C4orf50: variants seen among roughly 807,000 people sequenced by gnomAD.
The protein encoded by C4orf50 is uncharacterized protein C4orf50.
C4orf50 carries 80 observed loss-of-function variants against 77.2 expected under a neutral mutation model. That is an observed-to-expected ratio of 1.04 (90% confidence interval 0.87 to 1.25). C4orf50 has a LOEUF of 1.25. Ranked by LOEUF, C4orf50 falls within the 50% of genes most tolerant of loss-of-function variation. C4orf50 has a pLI of 0.00. For synonymous variants in C4orf50, 532 were observed against 465.3 expected (o/e 1.14, Z -1.84); for missense variants, 1,257 against 1,152.9 (o/e 1.09, Z -1.31).
At chr4:6,003,493 G>A (rs1052375606) in intron 25 of C4orf50, among the ~76,000 whole-genome samples, 9 of 135,258 alleles carry the variant, frequency 6.7e-5, no homozygotes, top group African/African-American at 2.4e-4. Flanking sequence ...TGGTGATGGT[G>A]ATGTTGGTGA....
chr4:5,976,446 GCT>G (rs1339672906), intron 29 of C4orf50, among the ~76,000 whole-genome samples: 2 of 135,820 alleles, frequency 1.5e-5, no homozygotes, highest in African/African-American at 5.7e-5. Context: ...AGAGAGCGAG[GCT>G]CTGTCTCGGA....
chr4:5,931,016 T>C (rs28538437), intron 7 of C4orf50, among the ~76,000 whole-genome samples: 14,650 of 152,172 alleles, frequency 0.096, 1,619 homozygotes, highest in African/African-American at 0.27. Flanking sequence ...CAGGTCCAGC[T>C]GGCAAAGCTC....
chr4:5,946,418 C>T lies in C4orf50; in HGVS notation c.*2474+10483G>A, dbSNP rs181175817. On this transcript the variant is annotated intron_variant, in intron 7 of 7. Transcript: ENST00000324058. ...AGTTCCTCTTCAAAGTTTCCCTTCTCGTTAAAGAATAAATCGTAAGTGTTA... is the reference window on the plus strand; with the variant it reads ...AGTTCCTCTTCAAAGTTTCCCTTCTTGTTAAAGAATAAATCGTAAGTGTTA... 4.8e-5 allele frequency among the ~76,000 whole-genome samples: 7 copies of T among 146,568 alleles called. No individual in the cohort carries two copies. In the East Asian group the frequency reaches 1.2e-3, roughly 24 times the overall value.
At chr4:5,953,281 G>C (rs1718808164), downstream of C4orf50, among the ~76,000 whole-genome samples, 1 of 152,182 alleles carries the variant, frequency 6.6e-6, no homozygotes, top group Non-Finnish European at 1.5e-5. Flanking sequence ...GAAAAAGAAT[G>C]GCTGGGAGTC....
intron 25 of C4orf50, among the ~76,000 whole-genome samples, chr4:6,004,015 GATGGTGATAATGTGATA>G (rs1722020974): frequency 7.5e-6 from 1 of 132,586 alleles, no homozygotes; most frequent in Non-Finnish European, 1.6e-5. Context: ...GTGATGATGT[GATGGTGATAATGTGATA>G]GTGATGATGG....
intron 7 of C4orf50, among the ~76,000 whole-genome samples, chr4:5,951,978 T>C (rs139736811): frequency 2.8e-3 from 431 of 152,334 alleles, no homozygotes; most frequent in African/African-American, 9.1e-3. Context: ...GGGATGATAA[T>C]ATTTTCTCAT....
At chr4:5,902,421 G>C (rs985827469) in intron 7 of C4orf50, 8 of 152,198 alleles carry the variant, frequency 5.3e-5, no homozygotes, top group African/African-American at 1.4e-4. Context: ...TTTGAAATCA[G>C]GCCAATAGAC....
chr4:5,980,491 G>C (rs1450504516), intron 28 of C4orf50, among the ~76,000 whole-genome samples, 153 bp from the exon 7 acceptor site: 1 of 151,894 alleles, frequency 6.6e-6, no homozygotes, highest in Non-Finnish European at 1.5e-5. Context: ...AGTTTTAGAA[G>C]ATAAGGTAGC....
intron 25 of C4orf50, among the ~76,000 whole-genome samples, chr4:6,004,820 G>A (rs947067828): frequency 1.1e-4 from 16 of 150,820 alleles, no homozygotes; most frequent in African/African-American, 3.7e-4. Flanking sequence ...TGGTGATGAT[G>A]GTGATAGTGA....
chr4:5,952,535 C>T (rs1305146176), downstream of C4orf50, among the ~76,000 whole-genome samples: 1 of 152,192 alleles, frequency 6.6e-6, no homozygotes, highest in Non-Finnish European at 1.5e-5. This position sits in a 1 kb window ranked among gnomAD's most constrained non-coding sequence, Gnocchi z 4.4. Context: ...GACCACCGCT[C>T]CCCACCTGGC....
chr4:5,998,582 G>T (rs755539797), intron 25 of C4orf50, among the ~76,000 whole-genome samples: 29 of 152,324 alleles, frequency 1.9e-4, no homozygotes, highest in Admixed American at 7.8e-4. Context: ...CCCTGACGTG[G>T]GATCGTGATC....
rs148316240 is a variant in C4orf50, at chr4:5,925,820, C to T, written c.*2475-27632G>A. 3.4e-4 allele frequency among the ~76,000 whole-genome samples: 52 copies of T among 152,284 alleles called. 1 individual carries two copies. In the East Asian group the frequency reaches 8.7e-3, roughly 26 times the overall value. Reference sequence around the variant, plus strand: ...CAGGCCTGGGACCCACCCTTGGCAGCGGGGGATGAGCTGGAGTTCACCAGG... The same window carrying T: ...CAGGCCTGGGACCCACCCTTGGCAGTGGGGGATGAGCTGGAGTTCACCAGG... On this transcript the variant is annotated intron_variant, in intron 7 of 7. Coordinates refer to the C4orf50 transcript ENST00000324058.
chr4:5,981,903 C>A (rs769304987), intron 28 of C4orf50, among the ~76,000 whole-genome samples: 1 of 151,894 alleles, frequency 6.6e-6, no homozygotes, highest in Non-Finnish European at 1.5e-5. Context: ...AAACTCATCC[C>A]GACCTAGCAG....
At chr4:5,940,757 T>G (rs1207246333) in intron 7 of C4orf50, among the ~76,000 whole-genome samples, 3 of 152,170 alleles carry the variant, frequency 2.0e-5, no homozygotes, top group Admixed American at 6.5e-5. Flanking sequence ...AGTGACGCCG[T>G]GGGAGATTTG....
chr4:5,992,917 C>T lies in C4orf50; in HGVS notation c.1107G>A (p.Glu369=). Residue 369 remains glutamate (E), a synonymous_variant, in exon 27 of 34, where the codon GAG becomes GAA. Transcript: ENST00000531445. This position sits in a 1 kb window ranked among gnomAD's most constrained non-coding sequence, Gnocchi z 5.0. ...TGATGCGGCTCCAGGTGCAGGGCCC[C>T]TCTGGGGACTGGCCTGGAAAGCAAC... The T allele has an allele frequency of 2.5e-6, 1 of 399,082 alleles. No homozygotes were observed. The highest frequency in any genetic ancestry group is 4.4e-6 in the Non-Finnish European group (1 of 226,100). The allele number at this position is 399,082 out of a possible 1,614,324, so 24.7% of individuals were successfully genotyped here. A position where few individuals can be genotyped will look rare whatever the true frequency, so the allele number is the denominator to read the frequency against.
At chr4:5,973,826 G>A in exon 31 of C4orf50, 2 of 1,612,044 alleles carry the variant, frequency 1.2e-6, no homozygotes, top group Non-Finnish European at 1.7e-6. Context: ...TTCCGGACGA[G>A]GGAAGCTATC....
chr4:5,939,520 C>T (rs1427549700), intron 7 of C4orf50, among the ~76,000 whole-genome samples: 6 of 152,174 alleles, frequency 3.9e-5, no homozygotes, highest in Non-Finnish European at 7.3e-5. Context: ...ACGGCTGCTC[C>T]AGCAGAGCCT....
intron 29 of C4orf50, 29 bp from the exon 8 acceptor site, chr4:5,975,984 A>T (rs1331942520): frequency 6.3e-7 from 1 of 1,594,154 alleles, no homozygotes; most frequent in Non-Finnish European, 8.6e-7. Context: ...TTTTGACAAC[A>T]CTGCACTGTC....
rs1337026609 is a variant in C4orf50 at position 6,008,630 on chromosome 4, A to G, written c.427-98T>C. 5.1e-6 allele frequency: 2 copies of G among 393,282 alleles called. No individual in the cohort carries two copies. The highest frequency in any genetic ancestry group is 1.4e-4 in the South Asian group (1 of 7,396). The allele number at this position is 393,282 out of a possible 1,614,324, so 24.4% of individuals were successfully genotyped here. The stretch of plus-strand genomic sequence containing the variant: ...GACTTAACATTTCTGTATTTTGTGC[A>G]TGGTGCGTTTTTGCATTTTGTGCAT... On this transcript the variant is annotated intron_variant, in intron 24 of 33. Coordinates refer to ENST00000531445, the Ensembl canonical transcript of C4orf50. This position sits in a 1 kb window ranked among gnomAD's most constrained non-coding sequence, Gnocchi z 6.0.
Sources: allele counts gnomAD v4.1 joint callset (sites outside exome capture counted in the v4.1 genomes callset), GRCh38; gene constraint gnomAD v4.1.1; non-coding constraint Gnocchi (gnomAD v3.1); transcripts MANE v1.5; gene names NCBI Gene and HGNC (gene_info 2026-07-23, HGNC 2026-07-21).